Variants in PTK2 observed in about 807,000 individuals in gnomAD.
PTK2 encodes focal adhesion kinase 1.
In PTK2, 45 loss-of-function variants were observed where a neutral mutation model predicts 150.1. The ratio of observed to expected loss-of-function variants is 0.30; its 90% CI spans 0.24 to 0.38. PTK2 has a LOEUF of 0.38. Among genes scored for constraint, PTK2 ranks in the 10% least tolerant of loss-of-function variants. PTK2 has a pLI of 1.00. For missense variants in PTK2, 919 were observed against 1,307.3 expected (o/e 0.70, Z 4.58); for synonymous variants, 432 against 449.2 (o/e 0.96, Z 0.48).
intron 8 of PTK2, among the ~76,000 whole-genome samples, chr8:140,823,825 T>C (rs776341260): frequency 3.3e-5 from 5 of 152,222 alleles, no homozygotes; most frequent in Non-Finnish European, 7.3e-5. Flanking sequence ...GACAGAAATC[T>C]GAGGCCAGGC....
chr8:140,688,244 A>T (rs1466942358), intron 26 of PTK2, among the ~76,000 whole-genome samples: 2 of 152,128 alleles, frequency 1.3e-5, no homozygotes, highest in Non-Finnish European at 2.9e-5. Flanking sequence ...AAAACAGCTC[A>T]TGTATATCAG....
At chr8:140,812,819 C>A (rs145551160) in intron 10 of PTK2, among the ~76,000 whole-genome samples, 1 of 152,086 alleles carries the variant, frequency 6.6e-6, no homozygotes, top group Admixed American at 6.5e-5. Context: ...TTCAATCCAA[C>A]GAGAAGGCCT....
At chr8:140,872,973 T>C (rs2100143398) in intron 4 of PTK2, among the ~76,000 whole-genome samples, 1 of 152,368 alleles carries the variant, frequency 6.6e-6, no homozygotes, top group Middle Eastern at 3.4e-3. Flanking sequence ...GTTTCATTCA[T>C]ATTGTTACTT....
intron 1 of PTK2, among the ~76,000 whole-genome samples, chr8:140,982,138 C>T (rs1588573055): frequency 6.7e-6 from 1 of 149,848 alleles, no homozygotes; most frequent in Non-Finnish European, 1.5e-5. Context: ...ACCAATACAG[C>T]AAAGCATAGC....
chr8:140,840,222 C>T (rs2100121508), intron 7 of PTK2, among the ~76,000 whole-genome samples: 1 of 152,124 alleles, frequency 6.6e-6, no homozygotes, highest in South Asian at 2.1e-4. Context: ...CCGCGCCTGG[C>T]TAATTTTTAT....
intron 5 of PTK2, among the ~76,000 whole-genome samples, chr8:140,863,730 T>TC (rs1203107097): frequency 1.3e-5 from 2 of 152,204 alleles, no homozygotes; most frequent in East Asian, 3.8e-4. Context: ...ATGACAGGAA[T>TC]CCTCCACTAG....
intron 18 of PTK2, among the ~76,000 whole-genome samples, chr8:140,746,167 A>G (rs1004026227): frequency 3.9e-5 from 6 of 152,270 alleles, no homozygotes; most frequent in South Asian, 2.1e-4. Flanking sequence ...CCCCGTCTCT[A>G]TAAAGAATTA....
At chr8:140,717,522 A>C in intron 23 of PTK2, 76 bp downstream of exon 26, 1 of 1,145,320 alleles carries the variant, frequency 8.7e-7, no homozygotes, top group Non-Finnish European at 1.3e-6. Flanking sequence ...TTCTCCTCAT[A>C]GAAAACAGCT....
intron 1 of PTK2, among the ~76,000 whole-genome samples, chr8:140,945,606 A>G (rs755505841): frequency 1.5e-4 from 23 of 152,108 alleles, no homozygotes; most frequent in Admixed American, 9.8e-4. Context: ...AAAAAACAAA[A>G]CAAAAAATAT....
intron 28 of PTK2, among the ~76,000 whole-genome samples, chr8:140,674,642 G>A (rs2100012499): frequency 6.6e-6 from 1 of 152,106 alleles, no homozygotes; most frequent in African/African-American, 2.4e-5. Flanking sequence ...AGGAGGCTGA[G>A]GCAGGAGAAT....
chr8:140,962,143 T>G (rs10092613), intron 1 of PTK2, among the ~76,000 whole-genome samples: 62,564 of 148,946 alleles, frequency 0.42, 14,962 homozygotes, highest in Non-Finnish European at 0.55. Flanking sequence ...ATCGCTTGAA[T>G]CCGGGAGGTG....
rs187818760 is a variant in PTK2, at chr8:140,748,446, T to C, written c.1418-1586A>G. ...AGGCAGATGCTGCAGTGAGCCGGGA[T>C]TGCGTCACTGCACTCCATCCAGCCT... On this transcript the variant is annotated intron_variant, in intron 17 of 31. Transcript: ENST00000522684. 1.1e-4 allele frequency among the ~76,000 whole-genome samples: 17 copies of C among 148,494 alleles called. No homozygotes were observed. In the East Asian group the frequency reaches 2.4e-3, roughly 21 times the overall value.
intron 14 of PTK2, among the ~76,000 whole-genome samples, chr8:140,767,353 T>A (rs1400898837): frequency 6.6e-6 from 1 of 152,076 alleles, no homozygotes; most frequent in Non-Finnish European, 1.5e-5. Context: ...TGCAGGTGTG[T>A]GTACTATGAT....
intron 17 of PTK2, 90 bp from the exon 21 acceptor site, chr8:140,746,950 G>A: frequency 1.2e-6 from 1 of 839,246 alleles, no homozygotes; most frequent in South Asian, 1.8e-5. Context: ...GAGTGCAGTG[G>A]TACAATCTCG....
chr8:140,664,131 G>A (rs961290258), intron 31 of PTK2, among the ~76,000 whole-genome samples: 3 of 151,954 alleles, frequency 2.0e-5, no homozygotes, highest in African/African-American at 7.3e-5. Flanking sequence ...CTATAGGCGC[G>A]TGCCACCATG....
intron 7 of PTK2, among the ~76,000 whole-genome samples, chr8:140,843,341 T>G (rs528623534): frequency 2.6e-5 from 4 of 152,158 alleles, no homozygotes; most frequent in South Asian, 4.1e-4. Flanking sequence ...TCTCTCTTCC[T>G]GTAACTCTGT....
chr8:140,857,837 C>A (rs2100133668), intron 5 of PTK2, among the ~76,000 whole-genome samples: 1 of 152,006 alleles, frequency 6.6e-6, no homozygotes, highest in African/African-American at 2.4e-5. Context: ...AGGAAAGAAT[C>A]CCCAAACTAG....
intron 22 of PTK2, 124 bp from the exon 26 acceptor site, chr8:140,717,833 T>C: frequency 2.9e-6 from 2 of 700,052 alleles, no homozygotes; most frequent in Admixed American, 4.2e-5. Context: ...TAAAGGATCC[T>C]ATACACAGGG....
intron 10 of PTK2, among the ~76,000 whole-genome samples, chr8:140,805,015 G>A (rs1463651091): frequency 1.3e-5 from 2 of 152,152 alleles, no homozygotes; most frequent in Non-Finnish European, 2.9e-5. Context: ...AAATGTGAAA[G>A]GGCTGCAGGG....
Sources: gnomAD v4.1 joint callset for allele counts (sites outside exome capture counted in the v4.1 genomes callset) on GRCh38, gnomAD v4.1.1 for gene constraint, MANE v1.5 for transcripts, NCBI Gene and HGNC (gene_info 2026-07-23, HGNC 2026-07-21) for gene names.